DPP10: variants seen among roughly 807,000 people sequenced by gnomAD.
The protein encoded by DPP10 is inactive dipeptidyl peptidase 10.
DPP10 carries 33 observed loss-of-function variants against 120.9 expected under a neutral mutation model. The observed-to-expected ratio is 0.27, with a 90% CI of 0.21 to 0.37. The LOEUF (loss-of-function observed/expected upper bound fraction) is 0.37, where lower values mean the gene tolerates loss of function less well. Among genes scored for constraint, DPP10 ranks in the 10% least tolerant of loss-of-function variants. The probability of loss-of-function intolerance (pLI) is 1.00; values close to 1 mark genes in which losing one functional copy is unlikely to be tolerated. For missense variants in DPP10, 816 were observed against 942.8 expected (o/e 0.87, Z 1.76); for synonymous variants, 337 against 326.1 (o/e 1.03, Z -0.36).
chr2:115,161,583 G>A (rs1573837792), intron 1 of DPP10: 2 of 167,088 alleles, frequency 1.2e-5, no homozygotes, highest in East Asian at 3.2e-4. Context: ...GGCGGGCGGT[G>A]GGGGGCGCGG....
chr2:114,625,420 T>C (rs1287954613), intron 1 of DPP10, among the ~76,000 whole-genome samples: 5 of 151,984 alleles, frequency 3.3e-5, no homozygotes, highest in African/African-American at 1.2e-4. Context: ...ACTATGTTAT[T>C]TGATCTTTAA....
intron 1 of DPP10, among the ~76,000 whole-genome samples, chr2:114,696,642 G>A (rs1448000738): frequency 6.6e-6 from 1 of 151,858 alleles, no homozygotes; most frequent in Admixed American, 6.6e-5. Context: ...AAAAAATTAA[G>A]TCAGTTTGTT....
intron 1 of DPP10, among the ~76,000 whole-genome samples, chr2:114,472,039 C>A (rs1679963389): frequency 6.6e-6 from 1 of 152,180 alleles, no homozygotes; most frequent in African/African-American, 2.4e-5. Flanking sequence ...GTGGGAGAGA[C>A]CTCAGCATAA....
intron 1 of DPP10, among the ~76,000 whole-genome samples, chr2:115,114,710 A>C (rs1157079805): frequency 6.6e-6 from 1 of 152,158 alleles, no homozygotes. Context: ...AAAAATGTCC[A>C]ATTCAAAATA....
chr2:114,939,607 G>T (rs1425868501), intron 1 of DPP10, among the ~76,000 whole-genome samples: 1 of 152,056 alleles, frequency 6.6e-6, no homozygotes, highest in African/African-American at 2.4e-5. Context: ...AAAAACCCAA[G>T]ATATAGTTAA....
At chr2:115,646,338 C>T in intron 5 of DPP10, among the ~76,000 whole-genome samples, 1 of 151,878 alleles carries the variant, frequency 6.6e-6, no homozygotes, top group East Asian at 1.9e-4. Flanking sequence ...TACAGTGGGG[C>T]TATTAGCACT....
intron 12 of DPP10, among the ~76,000 whole-genome samples, chr2:115,764,624 C>A (rs955106839): frequency 1.3e-5 from 2 of 151,990 alleles, no homozygotes; most frequent in African/African-American, 4.8e-5. Context: ...AATGCATGTT[C>A]TTTTGAGATT....
At chr2:115,478,951 G>A (rs888579739) in intron 3 of DPP10, among the ~76,000 whole-genome samples, 15 of 152,108 alleles carry the variant, frequency 9.9e-5, no homozygotes, top group African/African-American at 2.9e-4. Flanking sequence ...TGCACTATTT[G>A]GTGGGAATGT....
intron 1 of DPP10, among the ~76,000 whole-genome samples, chr2:115,081,839 CA>C (rs1400723926): frequency 6.6e-6 from 1 of 152,174 alleles, no homozygotes; most frequent in Non-Finnish European, 1.5e-5. Context: ...TGCCTGAGGG[CA>C]AACTCTTTAG....
At chr2:115,183,295 A>G (rs1253484476) in intron 1 of DPP10, among the ~76,000 whole-genome samples, 2 of 152,156 alleles carry the variant, frequency 1.3e-5, no homozygotes, top group Non-Finnish European at 2.9e-5. Flanking sequence ...AAAAAATGTC[A>G]TTCTTCCAAA....
chr2:114,626,241 A>T (rs1454569547), intron 1 of DPP10, among the ~76,000 whole-genome samples: 1 of 151,996 alleles, frequency 6.6e-6, no homozygotes, highest in Non-Finnish European at 1.5e-5. Context: ...TTTATGGTTT[A>T]TAGTTCCTGA....
At chr2:115,619,866 G>C (rs925449802) in intron 5 of DPP10, among the ~76,000 whole-genome samples, 3 of 152,184 alleles carry the variant, frequency 2.0e-5, no homozygotes, top group South Asian at 2.1e-4. Flanking sequence ...TATTTGAGTA[G>C]ATGAACGAGT....
At chr2:115,373,484 T>C (rs2065562005) in intron 3 of DPP10, among the ~76,000 whole-genome samples, 1 of 126,724 alleles carries the variant, frequency 7.9e-6, no homozygotes, top group South Asian at 2.8e-4. Flanking sequence ...TAATTGATCA[T>C]AGGATGAAGG....
At chr2:115,792,329 A>T (rs1035763627) in intron 19 of DPP10, among the ~76,000 whole-genome samples, 2 of 152,140 alleles carry the variant, frequency 1.3e-5, no homozygotes, top group Non-Finnish European at 2.9e-5. Flanking sequence ...AACACATATG[A>T]TTCTTATAAT....
chr2:115,245,688 T>C (rs1270640144), intron 1 of DPP10, among the ~76,000 whole-genome samples: 1 of 152,172 alleles, frequency 6.6e-6, no homozygotes, highest in East Asian at 1.9e-4. Context: ...CATGCATGTT[T>C]ATACCATTGC....
intron 1 of DPP10, among the ~76,000 whole-genome samples, chr2:114,559,858 A>C (rs1688613001): frequency 6.7e-6 from 1 of 148,642 alleles, no homozygotes; most frequent in South Asian, 2.2e-4. Flanking sequence ...GGAAAATCAC[A>C]GATATTGTCA....
chr2:114,727,239 G>C (rs1317025508), intron 1 of DPP10, among the ~76,000 whole-genome samples: 1 of 152,166 alleles, frequency 6.6e-6, no homozygotes, highest in Non-Finnish European at 1.5e-5. Context: ...AGTGGTGGAA[G>C]TGAGCCTGTG....
At chr2:115,230,329 T>C (rs115334218) in intron 1 of DPP10, among the ~76,000 whole-genome samples, 7,465 of 152,090 alleles carry the variant, frequency 0.049, 270 homozygotes, top group Middle Eastern at 0.083. Flanking sequence ...GTGGAGTCTT[T>C]AGGTTTTTCC....
chr2:114,444,863 G>C (rs2104517477), intron 1 of DPP10, among the ~76,000 whole-genome samples: 1 of 152,186 alleles, frequency 6.6e-6, no homozygotes, highest in South Asian at 2.1e-4. Flanking sequence ...AATATATATA[G>C]TCGCAAGCAC....
Sources: gnomAD v4.1 joint callset for allele counts (sites outside exome capture counted in the v4.1 genomes callset) on GRCh38, gnomAD v4.1.1 for gene constraint, MANE v1.5 for transcripts, NCBI Gene and HGNC (gene_info 2026-07-23, HGNC 2026-07-21) for gene names.